Variants in UTRN observed in about 807,000 individuals in gnomAD.
UTRN encodes utrophin, also known as dystrophin-related protein 1.
UTRN carries 283 observed loss-of-function variants against 463.9 expected under a neutral mutation model. That is an observed-to-expected ratio of 0.61 (90% CI 0.55 to 0.67). UTRN has a LOEUF of 0.67. Ranked by LOEUF, UTRN falls within the 30% of genes least tolerant of loss-of-function variation. The pLI is 0.00. For missense variants in UTRN, 3,922 were observed against 4,084.3 expected (o/e 0.96, Z 1.08); for synonymous variants, 1,442 against 1,431.5 (o/e 1.01, Z -0.17).
At chr6:144,793,766 C>T in intron 62 of UTRN, 68 bp from the exon 63 acceptor site, 2 of 1,553,128 alleles carry the variant, frequency 1.3e-6, no homozygotes, top group Non-Finnish European at 1.7e-6. Flanking sequence ...TCCACATTAC[C>T]AAAGATATAT....
At chr6:144,474,295 A>G (rs1790966309) in intron 24 of UTRN, among the ~76,000 whole-genome samples, 1 of 152,016 alleles carries the variant, frequency 6.6e-6, no homozygotes, top group Non-Finnish European at 1.5e-5. Flanking sequence ...AAAACAAAAA[A>G]CAAGAAATGA....
At chr6:144,630,926 A>G (rs1477170977) in intron 51 of UTRN, among the ~76,000 whole-genome samples, 1 of 152,096 alleles carries the variant, frequency 6.6e-6, no homozygotes, top group African/African-American at 2.4e-5. Flanking sequence ...ATGTAAAAAA[A>G]AGAAGAAGAA....
chr6:144,555,611 T>G (rs1315895115), intron 49 of UTRN, among the ~76,000 whole-genome samples: 6 of 152,166 alleles, frequency 3.9e-5, no homozygotes, highest in Non-Finnish European at 8.8e-5. Context: ...TTGTATTTTC[T>G]GTAGAGACGG....
At chr6:144,713,267 A>G (rs540337992) in intron 53 of UTRN, among the ~76,000 whole-genome samples, 3 of 152,268 alleles carry the variant, frequency 2.0e-5, no homozygotes, top group South Asian at 2.1e-4. Flanking sequence ...TGTATTGCAT[A>G]TATTAGCTGG....
chr6:144,370,177 T>C (rs1051393181), intron 2 of UTRN, among the ~76,000 whole-genome samples: 3 of 152,040 alleles, frequency 2.0e-5, no homozygotes, highest in Non-Finnish European at 4.4e-5. Flanking sequence ...GTGGGGAAAA[T>C]GGCTCCAGGG....
chr6:144,499,153 T>G, intron 33 of UTRN, 104 bp from the exon 34 acceptor site: 2 of 1,236,778 alleles, frequency 1.6e-6, no homozygotes, highest in Non-Finnish European at 2.2e-6. Context: ...GTCTTGGGGG[T>G]TATATATGAA....
At chr6:144,357,852 T>C (rs928092540) in intron 2 of UTRN, among the ~76,000 whole-genome samples, 1 of 152,268 alleles carries the variant, frequency 6.6e-6, no homozygotes, top group Non-Finnish European at 1.5e-5. Flanking sequence ...AGTAAACTTA[T>C]ATCAAAAGCC....
chr6:144,621,946 T>G (rs1320775796), intron 51 of UTRN, among the ~76,000 whole-genome samples: 1 of 152,124 alleles, frequency 6.6e-6, no homozygotes, highest in East Asian at 1.9e-4. Flanking sequence ...TCTCTCTCCC[T>G]CTTCTCCTTT....
chr6:144,624,825 C>A (rs1303035934), intron 51 of UTRN, among the ~76,000 whole-genome samples: 1 of 152,120 alleles, frequency 6.6e-6, no homozygotes, highest in Admixed American at 6.5e-5. Flanking sequence ...GATTAAAAAT[C>A]AATGCTTGAT....
chr6:144,432,545 T>C (rs1355904887), intron 9 of UTRN, among the ~76,000 whole-genome samples: 1 of 152,080 alleles, frequency 6.6e-6, no homozygotes, highest in African/African-American at 2.4e-5. Flanking sequence ...AAATGGACTG[T>C]GGATTGTGAA....
chr6:144,527,769 C>T (rs1002277563), intron 41 of UTRN, among the ~76,000 whole-genome samples: 3 of 152,050 alleles, frequency 2.0e-5, no homozygotes, highest in African/African-American at 7.2e-5. Flanking sequence ...TCTACTTGTT[C>T]GAATTTATTG....
At chr6:144,815,038 GTAGCT>G (rs1778956386) in intron 65 of UTRN, among the ~76,000 whole-genome samples, 1 of 152,170 alleles carries the variant, frequency 6.6e-6, no homozygotes. Context: ...TCTTGTAATA[GTAGCT>G]AATAAGGAAG....
chr6:144,824,568 TTATTTATATATATATATA>T (rs1400785534), intron 66 of UTRN, among the ~76,000 whole-genome samples: 141 of 69,064 alleles, frequency 2.0e-3, no homozygotes, highest in Admixed American at 3.7e-3. Context: ...ATATAGCATT[TTATTTATATATATATATA>T]TATATATATA....
chr6:144,849,768 A>G (rs952133643), intron 74 of UTRN, among the ~76,000 whole-genome samples: 13 of 152,210 alleles, frequency 8.5e-5, no homozygotes, highest in African/African-American at 3.1e-4. Context: ...CAATTAATAG[A>G]CACATCTCAT....
chr6:144,309,873 A>G (rs1485917868), intron 2 of UTRN, among the ~76,000 whole-genome samples: 1 of 152,174 alleles, frequency 6.6e-6, no homozygotes, highest in Non-Finnish European at 1.5e-5. Flanking sequence ...GTTTGTGCTC[A>G]TTATATGAGG....
At chr6:144,747,738 A>C (rs1790917129) in intron 54 of UTRN, among the ~76,000 whole-genome samples, 1 of 152,208 alleles carries the variant, frequency 6.6e-6, no homozygotes, top group South Asian at 2.1e-4. Context: ...CCTTAGAGAG[A>C]TGATCACTAT....
intron 34 of UTRN, 92 bp from the exon 35 acceptor site, chr6:144,510,852 A>G: frequency 1.7e-6 from 2 of 1,143,284 alleles, no homozygotes; most frequent in Non-Finnish European, 2.3e-6. Context: ...TACTTTGTAT[A>G]TGTGGCAGAA....
intron 17 of UTRN, among the ~76,000 whole-genome samples, chr6:144,449,080 T>A (rs537367917): frequency 6.6e-6 from 1 of 152,212 alleles, no homozygotes; most frequent in Non-Finnish European, 1.5e-5. Context: ...TCCATGACTG[T>A]CTTTTTATTC....
rs11963037 is a variant in UTRN, at chr6:144,757,248, A to G, written c.8435-681A>G. On this transcript the variant is annotated intron_variant, in intron 57 of 74. Coordinates refer to ENST00000367545, the MANE Select transcript of UTRN (RefSeq NM_007124.3). ...GTAACTAGAATTGTAAAAAAAAAAAAAAAAAAAGTACCTCAATTTAAAAAC... is the reference window on the plus strand; with the variant it reads ...GTAACTAGAATTGTAAAAAAAAAAAGAAAAAAAGTACCTCAATTTAAAAAC... Among the ~76,000 whole-genome samples the G allele has an allele frequency of 5.4e-3, 821 of 151,196 alleles. 8 individuals carry two copies. The highest frequency in any genetic ancestry group is 0.019 in the African/African-American group (778 of 41,384).
Sources: allele counts gnomAD v4.1 joint callset (sites outside exome capture counted in the v4.1 genomes callset), GRCh38; gene constraint gnomAD v4.1.1; transcripts MANE v1.5; gene names NCBI Gene and HGNC (gene_info 2026-07-23, HGNC 2026-07-21).